Variants in NEGR1 observed in about 807,000 individuals in gnomAD.
The protein encoded by NEGR1 is neuronal growth regulator 1.
In NEGR1, 10 loss-of-function variants were observed where a neutral mutation model predicts 40.9. That is an observed-to-expected ratio of 0.24 (90% CI 0.15 to 0.42). The LOEUF is 0.42. Ranked by LOEUF, NEGR1 falls within the 10% of genes least tolerant of loss-of-function variation. The pLI is 1.00. For synonymous variants in NEGR1, 185 were observed against 166.8 expected, an observed-to-expected ratio of 1.11 and a Z score of -0.84; for missense variants, 352 against 438.9, an observed-to-expected ratio of 0.80 and a Z score of 1.77.
chr1:72,182,778 G>GTA (rs10546486), intron 1 of NEGR1, among the ~76,000 whole-genome samples: 2,100 of 146,828 alleles, frequency 0.014, 26 homozygotes, highest in East Asian at 0.065. Flanking sequence ...GTGTGCGTGT[G>GTA]TATATATATA....
intron 3 of NEGR1, among the ~76,000 whole-genome samples, chr1:71,751,023 T>C (rs2101687555): frequency 6.6e-6 from 1 of 152,236 alleles, no homozygotes; most frequent in Admixed American, 6.5e-5. Context: ...ACAGGTGTAC[T>C]TTCATTTTAG....
chr1:71,999,750 A>G (rs1344147891), intron 1 of NEGR1, among the ~76,000 whole-genome samples: 1 of 146,524 alleles, frequency 6.8e-6, no homozygotes, highest in African/African-American at 2.5e-5. Context: ...AAACATACAT[A>G]CATTTTACTT....
intron 4 of NEGR1, among the ~76,000 whole-genome samples, chr1:71,645,445 T>A (rs1651498721): frequency 6.6e-6 from 1 of 151,936 alleles, no homozygotes; most frequent in Admixed American, 6.6e-5. Flanking sequence ...ATTTATCAGA[T>A]ACCAACATTT....
chr1:71,721,093 C>T (rs1654495620), intron 3 of NEGR1, among the ~76,000 whole-genome samples: 1 of 152,268 alleles, frequency 6.6e-6, no homozygotes, highest in South Asian at 2.1e-4. Context: ...GTCATTGACC[C>T]TGCCAAATAT....
intron 1 of NEGR1, among the ~76,000 whole-genome samples, chr1:72,125,011 AACTT>A (rs1285535637): frequency 6.6e-6 from 1 of 152,230 alleles, no homozygotes; most frequent in Non-Finnish European, 1.5e-5. Flanking sequence ...AAGTTACTCT[AACTT>A]ACTTAGTTCT....
chr1:71,778,403 T>C (rs1456759077), intron 2 of NEGR1, among the ~76,000 whole-genome samples: 1 of 152,154 alleles, frequency 6.6e-6, no homozygotes, highest in Non-Finnish European at 1.5e-5. Flanking sequence ...TTTGTCACAT[T>C]ATTCTGACCA....
At chr1:72,164,998 A>C (rs1651717273) in intron 1 of NEGR1, among the ~76,000 whole-genome samples, 1 of 151,796 alleles carries the variant, frequency 6.6e-6, no homozygotes, top group Non-Finnish European at 1.5e-5. Context: ...TTTTTTCATG[A>C]CCATTTCCTT....
At chr1:71,623,750 T>C (rs947327903) in intron 4 of NEGR1, among the ~76,000 whole-genome samples, 3 of 151,810 alleles carry the variant, frequency 2.0e-5, no homozygotes, top group Admixed American at 6.6e-5. Flanking sequence ...AGAAAAACTG[T>C]AATTTTCAGA....
chr1:71,950,535 C>A (rs941039654), intron 1 of NEGR1, among the ~76,000 whole-genome samples: 15 of 151,906 alleles, frequency 9.9e-5, no homozygotes, highest in Non-Finnish European at 1.8e-4. Flanking sequence ...TTACTGCTTT[C>A]TCTATAGTTC....
intron 5 of NEGR1, among the ~76,000 whole-genome samples, chr1:71,604,632 C>T (rs1650024060): frequency 6.6e-6 from 1 of 152,064 alleles, no homozygotes; most frequent in Non-Finnish European, 1.5e-5. Flanking sequence ...TGAAACTTAA[C>T]ATTAACCTTA....
chr1:71,783,966 A>G (rs1487661212), intron 2 of NEGR1, among the ~76,000 whole-genome samples: 2 of 152,152 alleles, frequency 1.3e-5, no homozygotes, highest in Non-Finnish European at 2.9e-5. Context: ...TCTAATCACA[A>G]TGCAGAGTCA....
At chr1:72,103,251 G>A (rs1190522316) in intron 1 of NEGR1, among the ~76,000 whole-genome samples, 1 of 152,036 alleles carries the variant, frequency 6.6e-6, no homozygotes, top group African/African-American at 2.4e-5. Context: ...ATGCTCCACT[G>A]AGGCTATTTG....
intron 1 of NEGR1, among the ~76,000 whole-genome samples, chr1:72,121,639 T>C (rs1470848992): frequency 2.0e-5 from 3 of 151,994 alleles, no homozygotes; most frequent in African/African-American, 7.2e-5. Flanking sequence ...TAGAAATCTA[T>C]TTAAAATTCA....
rs1646236823 is a variant in NEGR1, at chr1:71,400,036, CTGCTGTG to C, written c.*7403_*7409del. 2.0e-5 allele frequency: 3 copies of C among 152,134 alleles called. No homozygotes were observed. Among genetic ancestry groups the C allele is most frequent in the Non-Finnish European group, 4.4e-5 (3 of 68,034 alleles). The allele number at this position is 152,134 out of a possible 1,614,324, so 9.4% of individuals were successfully genotyped here. Reference sequence around the variant, plus strand: ...ATTCAGAACTGCGGGAGGTCTAAGTCTGCTGTGACTTAGTGTAAAGTTAACTCCTTTT... The same window carrying C: ...ATTCAGAACTGCGGGAGGTCTAAGTCACTTAGTGTAAAGTTAACTCCTTTT... On this transcript the variant is annotated 3_prime_UTR_variant, in exon 7 of 7. Transcript: ENST00000357731.
At chr1:71,855,601 G>T (rs1659734869) in intron 2 of NEGR1, among the ~76,000 whole-genome samples, 1 of 151,834 alleles carries the variant, frequency 6.6e-6, no homozygotes, top group South Asian at 2.1e-4. Flanking sequence ...CTATTATTTT[G>T]ATTATGCTTA....
At chr1:72,052,173 A>C (rs1647067907) in intron 1 of NEGR1, among the ~76,000 whole-genome samples, 1 of 151,456 alleles carries the variant, frequency 6.6e-6, no homozygotes, top group Admixed American at 6.6e-5. Context: ...GGACAACTAT[A>C]TGAACTTTCA....
chr1:71,698,372 C>A (rs1653558380), intron 3 of NEGR1, among the ~76,000 whole-genome samples: 1 of 151,806 alleles, frequency 6.6e-6, no homozygotes, highest in Non-Finnish European at 1.5e-5. Flanking sequence ...TACATGTGTT[C>A]TTTTTAATTG....
intron 1 of NEGR1, among the ~76,000 whole-genome samples, chr1:71,982,370 G>T (rs994384769): frequency 6.9e-6 from 1 of 144,308 alleles, no homozygotes; most frequent in African/African-American, 2.8e-5. Flanking sequence ...GCTCTCTTTG[G>T]TCTAACTATC....
chr1:71,846,397 A>AT (rs1364385553), intron 2 of NEGR1, among the ~76,000 whole-genome samples: 1 of 102,592 alleles, frequency 9.7e-6, no homozygotes, highest in Non-Finnish European at 1.8e-5. Context: ...ACACACACAC[A>AT]CACACAAACA....
Sources: allele counts gnomAD v4.1 joint callset (sites outside exome capture counted in the v4.1 genomes callset), GRCh38; gene constraint gnomAD v4.1.1; transcripts MANE v1.5; gene names NCBI Gene and HGNC (gene_info 2026-07-23, HGNC 2026-07-21).